Variants in CHSY3 observed in about 807,000 individuals in gnomAD.
CHSY3 encodes the protein chondroitin sulfate synthase 3.
In CHSY3, 35 loss-of-function variants were observed where a neutral mutation model predicts 67.2. The observed-to-expected ratio is 0.52, with a 90% CI of 0.40 to 0.69. CHSY3 has a LOEUF of 0.69. Ranked by LOEUF, CHSY3 falls within the 30% of genes least tolerant of loss-of-function variation. The pLI, the probability that CHSY3 is intolerant of heterozygous loss-of-function variation, is 0.00. For missense variants in CHSY3, 1,069 were observed against 1,138.5 expected, an observed-to-expected ratio of 0.94 and a Z score of 0.88; for synonymous variants, 474 against 434.7, an observed-to-expected ratio of 1.09 and a Z score of -1.12.
At chr5:130,177,887 G>T (rs1770103166) in intron 2 of CHSY3, among the ~76,000 whole-genome samples, 1 of 151,678 alleles carries the variant, frequency 6.6e-6, no homozygotes, top group Non-Finnish European at 1.5e-5. Flanking sequence ...CTGTTATTTG[G>T]ATATTGGATC....
chr5:130,101,772 A>G, intron 2 of CHSY3, among the ~76,000 whole-genome samples: 1 of 152,252 alleles, frequency 6.6e-6, no homozygotes, highest in Non-Finnish European at 1.5e-5. Flanking sequence ...ACACTGGGAA[A>G]TCATTTGATT....
chr5:130,122,537 A>C (rs1053631051), intron 2 of CHSY3, among the ~76,000 whole-genome samples: 3 of 152,204 alleles, frequency 2.0e-5, no homozygotes, highest in African/African-American at 7.2e-5. Flanking sequence ...CAGCTTTCTA[A>C]CAACACCGTC....
chr5:129,904,643 A>T lies in CHSY3; in HGVS notation c.-187A>T. 1.1e-6 allele frequency: 1 copy of T among 918,160 alleles called. No individual in the cohort carries two copies. The highest frequency in any genetic ancestry group is 1.4e-6 in the Non-Finnish European group (1 of 711,946). 56.9% of individuals were successfully genotyped at this position (918,160 alleles called of 1,614,324 possible). ...GCCCAGAGCTGAGCGGGAGCCCGGC[A>T]GGCAGCTGCAGCCCGCGGCAGTCGA... On this transcript the variant is annotated 5_prime_UTR_variant, in exon 1 of 3. Transcript: ENST00000305031.
chr5:130,072,536 G>A (rs1321631658), intron 2 of CHSY3, among the ~76,000 whole-genome samples: 1 of 152,024 alleles, frequency 6.6e-6, no homozygotes, highest in Non-Finnish European at 1.5e-5. Flanking sequence ...TTTTATGCCA[G>A]TACCATGCTG....
chr5:129,963,210 A>T (rs1477865720), intron 2 of CHSY3, among the ~76,000 whole-genome samples: 2 of 151,976 alleles, frequency 1.3e-5, no homozygotes, highest in Non-Finnish European at 2.9e-5. Flanking sequence ...TGGAAAGTGG[A>T]TAATAGCTAT....
chr5:129,912,208 TAAC>T (rs1456948393), intron 2 of CHSY3, among the ~76,000 whole-genome samples: 1 of 152,208 alleles, frequency 6.6e-6, no homozygotes, highest in Non-Finnish European at 1.5e-5. Flanking sequence ...AAATATTACT[TAAC>T]AAGTTATTAT....
intron 2 of CHSY3, among the ~76,000 whole-genome samples, chr5:130,050,558 T>C (rs1765310564): frequency 6.6e-6 from 1 of 152,126 alleles, no homozygotes; most frequent in African/African-American, 2.4e-5. Context: ...TAGAATTTAC[T>C]CTCTATGGAA....
chr5:130,142,776 C>A (rs1184109539), intron 2 of CHSY3, among the ~76,000 whole-genome samples: 2 of 152,118 alleles, frequency 1.3e-5, no homozygotes, highest in Non-Finnish European at 2.9e-5. Context: ...ATGGTCTTCA[C>A]CTTAATAGCT....
At chr5:130,037,864 C>A (rs966146288) in intron 2 of CHSY3, among the ~76,000 whole-genome samples, 5 of 151,966 alleles carry the variant, frequency 3.3e-5, no homozygotes, top group African/African-American at 1.2e-4. Context: ...CATATAGAGA[C>A]AAGAATGCAG....
intron 2 of CHSY3, among the ~76,000 whole-genome samples, chr5:129,938,114 G>A (rs1176821876): frequency 2.6e-5 from 4 of 152,184 alleles, no homozygotes; most frequent in Non-Finnish European, 1.5e-5. Flanking sequence ...AACACCATGT[G>A]GAAGCCACCA....
At chr5:130,112,514 T>G (rs890558701) in intron 2 of CHSY3, among the ~76,000 whole-genome samples, 5 of 152,094 alleles carry the variant, frequency 3.3e-5, no homozygotes, top group Non-Finnish European at 7.4e-5. Flanking sequence ...ACCACTACAC[T>G]GTCTACACCA....
chr5:130,163,560 A>T (rs905057217), intron 2 of CHSY3, among the ~76,000 whole-genome samples: 1 of 152,158 alleles, frequency 6.6e-6, no homozygotes, highest in Non-Finnish European at 1.5e-5. Context: ...AGGAAAAAAA[A>T]ATCTATTTTT....
chr5:129,906,425 A>C (rs945245977), intron 1 of CHSY3, among the ~76,000 whole-genome samples: 1 of 152,240 alleles, frequency 6.6e-6, no homozygotes, highest in Non-Finnish European at 1.5e-5. Flanking sequence ...CTGTACTAGC[A>C]CACACTAGTA....
At chr5:130,069,225 G>T (rs756780328) in intron 2 of CHSY3, among the ~76,000 whole-genome samples, 2 of 151,906 alleles carry the variant, frequency 1.3e-5, no homozygotes, top group African/African-American at 4.8e-5. Context: ...CTTGGACATG[G>T]GATGTAAATG....
intron 2 of CHSY3, among the ~76,000 whole-genome samples, chr5:130,044,748 A>T (rs1258211409): frequency 6.6e-6 from 1 of 152,026 alleles, no homozygotes; most frequent in Non-Finnish European, 1.5e-5. Flanking sequence ...TCATTATGGG[A>T]GTGGGAAGCT....
Position 130,185,782 on chromosome 5 carries a change from T to G in CHSY3, c.2640T>G (p.Thr880=). Residue 880 remains threonine, a synonymous_variant, in exon 3 of 3, where the codon ACT becomes ACG. Transcript: ENST00000305031. The stretch of plus-strand genomic sequence containing the variant: ...ATTTAGGTGTCAGGTACAATCGAAC[T>G]CTCTCCTGACAGTCCAGGCAACACA... ...EKHLGVRYNR[T]LS is the part of the protein sequence containing the mutation. 4 of 1,594,574 alleles carry G rather than the reference T, an allele frequency of 2.5e-6. No individual in the cohort carries two copies. The highest frequency in any genetic ancestry group is 3.4e-6 in the Non-Finnish European group (4 of 1,168,166).
chr5:130,028,667 C>G (rs1305955899), intron 2 of CHSY3, among the ~76,000 whole-genome samples: 1 of 151,986 alleles, frequency 6.6e-6, no homozygotes, highest in East Asian at 1.9e-4. Flanking sequence ...TAGTCCTGGG[C>G]TCATCTGGAG....
intron 2 of CHSY3, among the ~76,000 whole-genome samples, chr5:130,172,944 G>T (rs936724962): frequency 6.6e-6 from 1 of 152,112 alleles, no homozygotes; most frequent in East Asian, 1.9e-4. Context: ...AAAAGGAAAA[G>T]AAATTTTAAG....
At chr5:130,143,804 A>ATATATG (rs1356600752) in intron 2 of CHSY3, among the ~76,000 whole-genome samples, 552 of 37,374 alleles carry the variant, frequency 0.015, 15 homozygotes, top group Admixed American at 0.023. Context: ...ATATATATAT[A>ATATATG]TGTGTGTATA....
Sources: allele counts gnomAD v4.1 joint callset (sites outside exome capture counted in the v4.1 genomes callset), GRCh38; gene constraint gnomAD v4.1.1; transcripts MANE v1.5; gene names NCBI Gene and HGNC (gene_info 2026-07-23, HGNC 2026-07-21).